Variants in SRGAP1 observed in about 807,000 individuals in gnomAD.
SRGAP1 encodes the protein SLIT-ROBO Rho GTPase activating protein 1, also known as SLIT-ROBO Rho GTPase-activating protein 1.
Under a neutral mutation model 121.9 loss-of-function variants are expected in SRGAP1, and 43 were observed. The observed-to-expected ratio is 0.35, with a 90% CI of 0.28 to 0.46. The LOEUF is 0.46. SRGAP1 is among the 20% of genes least tolerant of loss of function. The pLI is 1.00. For missense variants in SRGAP1, 1,102 were observed against 1,350.9 expected, an observed-to-expected ratio of 0.82 and a Z score of 2.89; for synonymous variants, 447 against 485.4, an observed-to-expected ratio of 0.92 and a Z score of 1.04.
At chr12:63,911,838 T>A (rs2030516925) in intron 1 of SRGAP1, among the ~76,000 whole-genome samples, 1 of 152,246 alleles carries the variant, frequency 6.6e-6, no homozygotes, top group African/African-American at 2.4e-5. Context: ...AACTACTGGC[T>A]TCTAATTTTA....
At chr12:64,135,493 C>G (rs959065101) in intron 21 of SRGAP1, among the ~76,000 whole-genome samples, 1 of 152,074 alleles carries the variant, frequency 6.6e-6, no homozygotes, top group South Asian at 2.1e-4. Flanking sequence ...AACTTAGGAA[C>G]AACCAACCAG....
At chr12:64,021,931 G>C (rs2136473668) in intron 4 of SRGAP1, among the ~76,000 whole-genome samples, 2 of 152,290 alleles carry the variant, frequency 1.3e-5, no homozygotes, top group South Asian at 4.2e-4. Flanking sequence ...TTAAACATTT[G>C]AAAGCAAGCT....
At chr12:63,917,760 T>G (rs1406702657) in intron 1 of SRGAP1, among the ~76,000 whole-genome samples, 1 of 150,522 alleles carries the variant, frequency 6.6e-6, no homozygotes, top group Non-Finnish European at 1.5e-5. Flanking sequence ...ATGAACCTGC[T>G]TTCTGTAATT....
rs184175040 is a variant in SRGAP1, at chr12:64,149,207, T to C, written c.*6535T>C. 5.9e-5 allele frequency: 9 copies of C among 152,344 alleles called. No homozygotes were observed. The highest frequency in any genetic ancestry group is 2.2e-4 in the African/African-American group (9 of 41,572). 9.4% of individuals were successfully genotyped at this position (152,344 alleles called of 1,614,324 possible). On this transcript the variant is annotated 3_prime_UTR_variant, in exon 22 of 22. Coordinates refer to ENST00000355086, the MANE Select transcript of SRGAP1 (RefSeq NM_020762.4). The stretch of plus-strand genomic sequence containing the variant: ...TGTCAAAGGAATTGTTTTCCCAAAC[T>C]ATGACGGAATAATGTTGAACTAACC...
chr12:63,977,580 TA>T (rs1209912991), intron 1 of SRGAP1, among the ~76,000 whole-genome samples: 2 of 152,196 alleles, frequency 1.3e-5, no homozygotes, highest in Non-Finnish European at 2.9e-5. Flanking sequence ...CTGAGAGCAA[TA>T]GCAAGACATT....
chr12:63,901,059 C>T (rs1043007004), intron 1 of SRGAP1, among the ~76,000 whole-genome samples: 2 of 151,124 alleles, frequency 1.3e-5, no homozygotes, highest in Admixed American at 1.3e-4. Flanking sequence ...TGTGGCTGTT[C>T]AGTCATTTAT....
chr12:63,862,267 T>C (rs1899481084), intron 1 of SRGAP1, among the ~76,000 whole-genome samples: 1 of 152,228 alleles, frequency 6.6e-6, no homozygotes, highest in South Asian at 2.1e-4. Context: ...CTTGTGATTC[T>C]TTCCTACTCC....
intron 4 of SRGAP1, among the ~76,000 whole-genome samples, chr12:64,025,078 G>A (rs1203731994): frequency 6.6e-6 from 1 of 151,538 alleles, no homozygotes; most frequent in Non-Finnish European, 1.5e-5. Context: ...TTAAAAAGCA[G>A]AGTTGATGTG....
At chr12:64,052,916 G>T (rs2035264590) in intron 6 of SRGAP1, among the ~76,000 whole-genome samples, 1 of 152,140 alleles carries the variant, frequency 6.6e-6, no homozygotes, top group South Asian at 2.1e-4. Flanking sequence ...TCACAATCTT[G>T]CACAGTTGTT....
At chr12:64,108,232 T>A (rs1230726707) in intron 15 of SRGAP1, among the ~76,000 whole-genome samples, 1 of 152,228 alleles carries the variant, frequency 6.6e-6, no homozygotes, top group Admixed American at 6.5e-5. Context: ...TTAGACAGTT[T>A]GTATTCCTGG....
At position 64,157,608 on chromosome 12, in the gene SRGAP1, A is replaced by G. The variant is rs1416303704; in HGVS notation, c.*14936A>G. 6.6e-6 allele frequency: 1 copy of G among 152,226 alleles called. No homozygotes were observed. The highest frequency in any genetic ancestry group is 1.5e-5 in the Non-Finnish European group (1 of 68,038). The allele number at this position is 152,226 out of a possible 1,614,324, so 9.4% of individuals were successfully genotyped here. On this transcript the variant is annotated 3_prime_UTR_variant, in exon 22 of 22. Transcript: ENST00000355086. ...TTAAGGAAAAAATGATCAGGATTCAATAAATTCTGGATAGAAAAAAGAATA... is the reference window on the plus strand; with the variant it reads ...TTAAGGAAAAAATGATCAGGATTCAGTAAATTCTGGATAGAAAAAAGAATA...
In SRGAP1 at chr12:64,155,477, G is replaced by A. The variant is rs1033998645; in HGVS notation, c.*12805G>A. 1 of 151,552 alleles carries A rather than the reference G, an allele frequency of 6.6e-6. No homozygotes were observed. The highest frequency in any genetic ancestry group is 2.4e-5 in the African/African-American group (1 of 41,328). 9.4% of individuals were successfully genotyped at this position (151,552 alleles called of 1,614,324 possible). ...GAGAATTGCTTGAACCAGGGAGGTG[G>A]AGGTTGCAGTGAGCCAAGGTCACGC... On this transcript the variant is annotated 3_prime_UTR_variant, in exon 22 of 22. Transcript: ENST00000355086.
chr12:63,946,412 A>G (rs1322384968), intron 1 of SRGAP1, among the ~76,000 whole-genome samples: 1 of 151,210 alleles, frequency 6.6e-6, no homozygotes, highest in Non-Finnish European at 1.5e-5. Context: ...GAACATTTCT[A>G]TTACCACCAC....
intron 1 of SRGAP1, among the ~76,000 whole-genome samples, chr12:63,872,213 A>G (rs917909350): frequency 3.3e-5 from 5 of 152,170 alleles, no homozygotes; most frequent in South Asian, 2.1e-4. Context: ...TCTACTGGCA[A>G]TTTATGAAAT....
chr12:63,950,036 G>A (rs975816321), intron 1 of SRGAP1, among the ~76,000 whole-genome samples: 4 of 152,210 alleles, frequency 2.6e-5, no homozygotes, highest in African/African-American at 9.7e-5. Context: ...ATTGTGTTGA[G>A]CATTTTAACT....
chr12:63,956,358 C>A (rs2032469432), intron 1 of SRGAP1, among the ~76,000 whole-genome samples: 1 of 152,114 alleles, frequency 6.6e-6, no homozygotes, highest in African/African-American at 2.4e-5. Flanking sequence ...AACCCCTGCA[C>A]CCAGCCTAAG....
At position 64,155,639 on chromosome 12, in the gene SRGAP1, C is replaced by A. The variant is rs1459019424; in HGVS notation, c.*12967C>A. Reference sequence around the variant, plus strand: ...TTTGTTTGCTTTGTTTTTTTTGAGACGTAGTCCCGCTCCGTCTCCCAGGCT... The same window carrying A: ...TTTGTTTGCTTTGTTTTTTTTGAGAAGTAGTCCCGCTCCGTCTCCCAGGCT... On this transcript the variant is annotated 3_prime_UTR_variant, in exon 22 of 22. Transcript: ENST00000355086. The A allele has an allele frequency of 1.3e-5, 2 of 151,724 alleles. No individual in the cohort carries two copies. The highest frequency in any genetic ancestry group is 4.8e-5 in the African/African-American group (2 of 41,306). The allele number at this position is 151,724 out of a possible 1,614,324, so 9.4% of individuals were successfully genotyped here. A position where few individuals can be genotyped will look rare whatever the true frequency, so the allele number is the denominator to read the frequency against.
chr12:64,029,558 A>G (rs1331813110), intron 4 of SRGAP1, among the ~76,000 whole-genome samples: 2 of 152,162 alleles, frequency 1.3e-5, no homozygotes, highest in Non-Finnish European at 2.9e-5. Flanking sequence ...TGACACCTGA[A>G]TTTAGTGATA....
At position 63,844,769 on chromosome 12, in the gene SRGAP1, C is replaced by A. The variant is rs1898841175; in HGVS notation, c.-48C>A. The A allele has an allele frequency of 3.8e-6, 6 of 1,591,040 alleles. No homozygotes were observed. The highest frequency in any genetic ancestry group is 1.3e-5 in the African/African-American group (1 of 74,542). ...CTCTCCAAGGAGAACGGGTTGTGAC[C>A]ACTGAACAAAACTTGCCCATTGAAA... On this transcript the variant is annotated 5_prime_UTR_variant, in exon 1 of 22. Transcript: ENST00000355086. The surrounding 1 kb of genome is among the most constrained non-coding windows in gnomAD (Gnocchi z 4.3).
Sources: allele counts gnomAD v4.1 joint callset (sites outside exome capture counted in the v4.1 genomes callset), GRCh38; gene constraint gnomAD v4.1.1; non-coding constraint Gnocchi (gnomAD v3.1); transcripts MANE v1.5; gene names NCBI Gene and HGNC (gene_info 2026-07-23, HGNC 2026-07-21).